The following MIPEP variants were observed in gnomAD, a reference collection of about 807,000 sequenced individuals.
MIPEP encodes mitochondrial intermediate peptidase.
MIPEP carries 79 observed loss-of-function variants against 90.3 expected under a neutral mutation model. The observed-to-expected ratio is 0.87, with a 90% CI of 0.73 to 1.05. The LOEUF is 1.05. Among genes scored for constraint, MIPEP ranks in the 50% least tolerant of loss-of-function variants. The pLI is 0.00. For missense variants in MIPEP, 940 were observed against 905.6 expected (o/e 1.04, Z -0.49); for synonymous variants, 334 against 315.8 (o/e 1.06, Z -0.61).
rs780546470 is a variant in MIPEP at position 23,841,342 on chromosome 13, C to T, written c.1253G>A (p.Arg418Gln). The change falls in exon 11 of 19, where the codon CGA becomes CAA. Residue 418 changes from arginine (R) to glutamine (Q), a missense_variant. Physicochemically the swap from Arg to Gln is conservative, Grantham distance 43. Coordinates refer to ENST00000382172, the MANE Select transcript of MIPEP (RefSeq NM_005932.4). ...AKGEVWSEDVRKLAVVHESEG... is the reference protein window; with the variant it reads ...AKGEVWSEDVQKLAVVHESEG... ...TGAGCAGGAGGAGCTCACCAGTTTT[C>T]GGACATCTTCGCTCCACACCTCTCC... 16 of 1,609,602 alleles carry T rather than the reference C, an allele frequency of 9.9e-6. No homozygotes were observed. The East Asian group carries it at 1.1e-4, about 11-fold the overall frequency.
intron 18 of MIPEP, among the ~76,000 whole-genome samples, chr13:23,746,204 G>C (rs1593129084): frequency 6.6e-6 from 1 of 151,144 alleles, no homozygotes; most frequent in South Asian, 2.1e-4. Context: ...AGTACAGATG[G>C]AGTTTCACCA....
At chr13:23,837,901 T>C (rs1281615783) in intron 12 of MIPEP, 145 bp from the exon 13 acceptor site, 3 of 585,658 alleles carry the variant, frequency 5.1e-6, no homozygotes, top group African/African-American at 3.7e-5. Flanking sequence ...TATTTACATA[T>C]ATACACCTTT....
chr13:23,812,159 C>A (rs942170128), intron 14 of MIPEP, among the ~76,000 whole-genome samples: 1 of 150,104 alleles, frequency 6.7e-6, no homozygotes, highest in Non-Finnish European at 1.5e-5. Context: ...GCATTCTCCA[C>A]GTAAGCACCA....
rs116103749 is a variant in MIPEP, at chr13:23,750,785, A to G, written c.2044+5760T>C. Among the ~76,000 whole-genome samples the G allele has an allele frequency of 2.8e-3, 423 of 152,298 alleles. 2 individuals are homozygous for G. The highest frequency in any genetic ancestry group is 9.9e-3 in the African/African-American group (413 of 41,558). On this transcript the variant is annotated intron_variant, in intron 18 of 18. Coordinates refer to ENST00000382172, the MANE Select transcript of MIPEP (RefSeq NM_005932.4). ...TATTCATTTAATCATTTATATCAATATGGACTCATGGATATGTATTTAATA... is the reference window on the plus strand; with the variant it reads ...TATTCATTTAATCATTTATATCAATGTGGACTCATGGATATGTATTTAATA...
chr13:23,819,662 T>C (rs906662377), intron 14 of MIPEP, among the ~76,000 whole-genome samples: 3 of 152,054 alleles, frequency 2.0e-5, no homozygotes, highest in Admixed American at 6.6e-5. Flanking sequence ...CTATGTGTTA[T>C]ATACATTTGG....
chr13:23,831,383 C>CCGGGGGGG (rs58008469), intron 14 of MIPEP, among the ~76,000 whole-genome samples: 46 of 40,880 alleles, frequency 1.1e-3, no homozygotes, highest in East Asian at 3.8e-3. Context: ...TTCCCCATGG[C>CCGGGGGGG]GGGGGGGGGA....
At chr13:23,787,875 G>A (rs1334395945) in intron 16 of MIPEP, among the ~76,000 whole-genome samples, 5 of 152,190 alleles carry the variant, frequency 3.3e-5, no homozygotes, top group Non-Finnish European at 5.9e-5. Flanking sequence ...CTGAGCCCAA[G>A]TTAAGTTTAG....
intron 17 of MIPEP, among the ~76,000 whole-genome samples, chr13:23,759,369 G>A (rs1319304622): frequency 6.6e-6 from 1 of 150,858 alleles, no homozygotes; most frequent in East Asian, 2.0e-4. Flanking sequence ...AGACAGCACG[G>A]GATACCCCAC....
intron 4 of MIPEP, among the ~76,000 whole-genome samples, chr13:23,875,529 C>CT (rs1246437476): frequency 8.9e-5 from 13 of 146,346 alleles, no homozygotes; most frequent in African/African-American, 3.0e-4. Flanking sequence ...AAGTGTAACA[C>CT]CTTTTTTTTT....
chr13:23,800,986 C>CCT (rs1331809790), intron 16 of MIPEP, among the ~76,000 whole-genome samples: 1 of 152,196 alleles, frequency 6.6e-6, no homozygotes, highest in Non-Finnish European at 1.5e-5. Context: ...CTAATATAGA[C>CCT]ATATGCAAAA....
At position 23,836,341 on chromosome 13, in the gene MIPEP, A is replaced by C. The variant is rs1300517958; in HGVS notation, c.1552T>G (p.Cys518Gly). 2.5e-6 allele frequency: 4 copies of C among 1,570,632 alleles called. No homozygotes were observed. Among genetic ancestry groups the C allele is most frequent in the Non-Finnish European group, 3.4e-6 (4 of 1,164,382 alleles). Reference sequence around the variant, plus strand: ...GGAACCTCAGCAAAATCAGTAGGGCACCTGGTCCCTAAAACAAGAAAAAAA... The same window carrying C: ...GGAACCTCAGCAAAATCAGTAGGGCCCCTGGTCCCTAAAACAAGAAAAAAA... ...TRYQHVTGTR[C>G]PTDFAEVPSI... The change falls in exon 14 of 19, where the codon TGC becomes GGC. Residue 518 changes from cysteine to glycine, a missense_variant. Cys to Gly is a radical substitution (Grantham distance 159). Transcript: ENST00000382172.
intron 16 of MIPEP, among the ~76,000 whole-genome samples, chr13:23,793,325 C>A (rs1311198092): frequency 6.6e-6 from 1 of 152,152 alleles, no homozygotes; most frequent in South Asian, 2.1e-4. Context: ...TCATTAGACA[C>A]AAAAGAGGAT....
chr13:23,745,821 T>G (rs1952376661), intron 18 of MIPEP, among the ~76,000 whole-genome samples: 1 of 151,428 alleles, frequency 6.6e-6, no homozygotes, highest in African/African-American at 2.4e-5. Flanking sequence ...CCAGCTACAG[T>G]CAGGAGGCTG....
Position 23,801,864 on chromosome 13 carries a change from CT to C in MIPEP, c.1848+4085del, listed in dbSNP as rs959175205. The stretch of plus-strand genomic sequence containing the variant: ...TTCTTCCCGGAATCCTCCCCCTCAC[CT>C]TTTTTTTAACTACTTACAACAAGTG... On this transcript the variant is annotated intron_variant, in intron 16 of 18. Coordinates refer to ENST00000382172, the MANE Select transcript of MIPEP (RefSeq NM_005932.4). Among the ~76,000 whole-genome samples the C allele has an allele frequency of 7.8e-4, 118 of 152,122 alleles. 1 individual carries two copies. Among genetic ancestry groups the C allele is most frequent in the Middle Eastern group, 3.4e-3 (1 of 294 alleles).
At chr13:23,749,632 G>C (rs1027144626) in intron 18 of MIPEP, among the ~76,000 whole-genome samples, 1 of 152,130 alleles carries the variant, frequency 6.6e-6, no homozygotes, top group Non-Finnish European at 1.5e-5. Context: ...TTCCTGAGCT[G>C]AATTCTCGCA....
At chr13:23,810,296 C>T (rs1953157729) in intron 14 of MIPEP, among the ~76,000 whole-genome samples, 1 of 152,190 alleles carries the variant, frequency 6.6e-6, no homozygotes, top group Non-Finnish European at 1.5e-5. Context: ...CATATAATCA[C>T]TGACAATAGG....
At chr13:23,809,114 TG>T (rs1953143758) in intron 15 of MIPEP, among the ~76,000 whole-genome samples, 1 of 152,210 alleles carries the variant, frequency 6.6e-6, no homozygotes, top group Non-Finnish European at 1.5e-5. Flanking sequence ...GAAAGTTTTC[TG>T]GTCTTCATCT....
At chr13:23,799,726 A>T (rs1953012063) in intron 16 of MIPEP, among the ~76,000 whole-genome samples, 1 of 152,258 alleles carries the variant, frequency 6.6e-6, no homozygotes, top group Admixed American at 6.5e-5. Context: ...AATCCTATTC[A>T]CAAGAAACAT....
In MIPEP at chr13:23,864,503, C is replaced by CGG. The variant is rs545381484; in HGVS notation, c.944-315_944-314insCC. ...TCCTAGTACTTTGGGAGGCTGAGGGCAGGGGGTGGATCACCTGAGGTCAGG... is the reference window on the plus strand; with the variant it reads ...TCCTAGTACTTTGGGAGGCTGAGGGCGGAGGGGGTGGATCACCTGAGGTCAGG... On this transcript the variant is annotated intron_variant, in intron 7 of 18. Coordinates refer to ENST00000382172, the MANE Select transcript of MIPEP (RefSeq NM_005932.4). 4.1e-3 allele frequency among the ~76,000 whole-genome samples: 624 copies of CGG among 151,818 alleles called. 6 individuals are homozygous for CGG. The highest frequency in any genetic ancestry group is 0.014 in the African/African-American group (598 of 41,412).
Sources: allele counts gnomAD v4.1 joint callset (sites outside exome capture counted in the v4.1 genomes callset), GRCh38; gene constraint gnomAD v4.1.1; transcripts MANE v1.5; gene names NCBI Gene and HGNC (gene_info 2026-07-23, HGNC 2026-07-21).